CNTNAP2: variants seen among roughly 807,000 people sequenced by gnomAD.
CNTNAP2 encodes contactin associated protein 2.
CNTNAP2 carries 98 observed loss-of-function variants against 155.2 expected under a neutral mutation model. That is an observed-to-expected ratio of 0.63 (90% CI 0.54 to 0.75). The LOEUF (loss-of-function observed/expected upper bound fraction) is 0.75, where lower values mean the gene tolerates loss of function less well. CNTNAP2 is among the 30% of genes least tolerant of loss of function. The pLI, the probability that CNTNAP2 is intolerant of heterozygous loss-of-function variation, is 0.00. For missense variants in CNTNAP2, 1,727 were observed against 1,688.1 expected, an observed-to-expected ratio of 1.02 and a Z score of -0.40; for synonymous variants, 651 against 631.2, an observed-to-expected ratio of 1.03 and a Z score of -0.47.
intron 9 of CNTNAP2, among the ~76,000 whole-genome samples, chr7:147,386,752 C>T (rs565204296): frequency 4.6e-5 from 7 of 152,268 alleles, no homozygotes; most frequent in Non-Finnish European, 7.3e-5. Flanking sequence ...CAACCTCTGC[C>T]GTCACCAGTT....
At chr7:148,269,419 C>T (rs1202797807) in intron 21 of CNTNAP2, among the ~76,000 whole-genome samples, 1 of 152,180 alleles carries the variant, frequency 6.6e-6, no homozygotes, top group Non-Finnish European at 1.5e-5. Context: ...CAGATCTTAT[C>T]ACCACTTTTA....
At chr7:146,769,917 C>T (rs889974935) in intron 1 of CNTNAP2, among the ~76,000 whole-genome samples, 2 of 152,056 alleles carry the variant, frequency 1.3e-5, no homozygotes, top group Non-Finnish European at 2.9e-5. Flanking sequence ...CCATAGTTTT[C>T]TAACTCTTGG....
chr7:147,208,432 G>A (rs1803066719), intron 8 of CNTNAP2, among the ~76,000 whole-genome samples: 1 of 152,092 alleles, frequency 6.6e-6, no homozygotes. Context: ...TCAGGGAAGA[G>A]TTTTTAAGCA....
At chr7:146,208,380 A>T (rs1584802906) in intron 1 of CNTNAP2, among the ~76,000 whole-genome samples, 1 of 152,284 alleles carries the variant, frequency 6.6e-6, no homozygotes, top group East Asian at 1.9e-4. Flanking sequence ...TTCTGTCAAG[A>T]AAAATTTCTT....
chr7:146,821,621 A>G (rs1803285509), intron 2 of CNTNAP2, among the ~76,000 whole-genome samples: 1 of 152,164 alleles, frequency 6.6e-6, no homozygotes, highest in East Asian at 1.9e-4. Context: ...CAACAAATTT[A>G]CAAGAAAAAA....
In CNTNAP2 at chr7:148,409,445, T is replaced by C. The variant is rs1428223188; in HGVS notation, c.3770T>C (p.Val1257Ala). The C allele has an allele frequency of 6.2e-7, 1 of 1,613,584 alleles. No individual in the cohort carries two copies. Among genetic ancestry groups the C allele is most frequent in the Admixed American group, 1.7e-5 (1 of 59,980 alleles). The change falls in exon 23 of 24, where the codon GTC becomes GCC. Residue 1257 changes from valine to alanine, a missense_variant. By Grantham distance (64) the Val-to-Ala change is moderately conservative. Coordinates refer to ENST00000361727, the MANE Select transcript of CNTNAP2 (RefSeq NM_014141.6). The part of the protein sequence containing the change: ...PGQGQAIRNG[V>A]NRNSAIIGGV... ...CAAGGCCAAGCTATAAGAAATGGAG[T>C]CAACAGAAACTCGGCTATCATTGGA...
intron 2 of CNTNAP2, among the ~76,000 whole-genome samples, chr7:146,819,764 AC>A (rs1421373278): frequency 1.3e-5 from 2 of 152,108 alleles, no homozygotes; most frequent in Non-Finnish European, 2.9e-5. Context: ...AGGAATTGCT[AC>A]TAACTCACTT....
chr7:146,391,924 A>G (rs1795550282), intron 1 of CNTNAP2, among the ~76,000 whole-genome samples: 1 of 152,192 alleles, frequency 6.6e-6, no homozygotes, highest in South Asian at 2.1e-4. Context: ...CAAGCTGTAC[A>G]ACAAAACCCC....
At chr7:146,332,559 T>A (rs1229344128) in intron 1 of CNTNAP2, among the ~76,000 whole-genome samples, 2 of 152,184 alleles carry the variant, frequency 1.3e-5, no homozygotes, top group African/African-American at 4.8e-5. Flanking sequence ...CTTAGAAATA[T>A]GTCACATATT....
chr7:147,151,410 A>C (rs983925458), intron 8 of CNTNAP2, among the ~76,000 whole-genome samples: 1 of 152,190 alleles, frequency 6.6e-6, no homozygotes, highest in Non-Finnish European at 1.5e-5. Flanking sequence ...AAATGATAGT[A>C]AAGTCACATA....
In CNTNAP2 at chr7:147,575,108, TGTGTG is replaced by T. The variant is rs1364947708; in HGVS notation, c.1897+12852_1897+12856del. Among the ~76,000 whole-genome samples the T allele has an allele frequency of 3.3e-3, 71 of 21,788 alleles. 3 individuals carry two copies. Among genetic ancestry groups the T allele is most frequent in the African/African-American group, 0.018 (70 of 3,860 alleles). 14.3% of individuals were successfully genotyped at this position (21,788 alleles called of 152,430 possible). ...ATATTCTCCCGGTCTTTGTGGGAAA[TGTGTG>T]TGTGTGTGTGTGTGTGTGTGTGTGT... is the stretch of plus-strand genomic sequence containing the variant. On this transcript the variant is annotated intron_variant, in intron 12 of 23. Coordinates refer to ENST00000361727, the MANE Select transcript of CNTNAP2 (RefSeq NM_014141.6).
At chr7:146,567,370 G>A (rs997847260) in intron 1 of CNTNAP2, among the ~76,000 whole-genome samples, 1 of 151,934 alleles carries the variant, frequency 6.6e-6, no homozygotes, top group Non-Finnish European at 1.5e-5. Flanking sequence ...TACCTTCAAA[G>A]CAATTTTCTA....
chr7:146,697,994 A>G (rs972839273), intron 1 of CNTNAP2, among the ~76,000 whole-genome samples: 1 of 152,046 alleles, frequency 6.6e-6, no homozygotes, highest in Non-Finnish European at 1.5e-5. Flanking sequence ...CGTTTGCAAT[A>G]TACATTTGCA....
At position 147,755,623 on chromosome 7, in the gene CNTNAP2, G is replaced by A. The variant is rs1241406609; in HGVS notation, c.2098+116317G>A. Among the ~76,000 whole-genome samples, 3 of 152,180 alleles carry A rather than the reference G, an allele frequency of 2.0e-5. No individual in the cohort carries two copies. The East Asian group carries it at 5.8e-4, about 29-fold the overall frequency. ...GCCAAAATCATGCCACTGCACCCCA[G>A]CCTGGGCGACAGAGAGAGACCCTGT... On this transcript the variant is annotated intron_variant, in intron 13 of 23. Transcript: ENST00000361727.
At chr7:146,926,224 A>G (rs188825618) in intron 3 of CNTNAP2, among the ~76,000 whole-genome samples, 3 of 152,120 alleles carry the variant, frequency 2.0e-5, no homozygotes, top group South Asian at 2.1e-4. Context: ...TTCAAATTGT[A>G]TATTAAAACC....
chr7:146,618,926 C>A (rs538871273), intron 1 of CNTNAP2, among the ~76,000 whole-genome samples: 1 of 151,674 alleles, frequency 6.6e-6, no homozygotes, highest in Admixed American at 6.6e-5. Flanking sequence ...AAAAATTAGC[C>A]GGGCGTGGTG....
intron 3 of CNTNAP2, among the ~76,000 whole-genome samples, chr7:146,874,499 C>A (rs2129207886): frequency 6.6e-6 from 1 of 152,162 alleles, no homozygotes; most frequent in African/African-American, 2.4e-5. Flanking sequence ...GCCATCATGC[C>A]TGGCTAATTT....
intron 1 of CNTNAP2, among the ~76,000 whole-genome samples, chr7:146,141,616 T>C (rs1177486747): frequency 6.6e-6 from 1 of 152,140 alleles, no homozygotes; most frequent in Non-Finnish European, 1.5e-5. Context: ...GATTGTACCT[T>C]TCAAGAAAAC....
chr7:148,279,705 A>T (rs1796938766), intron 21 of CNTNAP2, among the ~76,000 whole-genome samples: 1 of 152,180 alleles, frequency 6.6e-6, no homozygotes, highest in African/African-American at 2.4e-5. Flanking sequence ...TTACTGGGAA[A>T]GGCAAAAAAG....
Sources: allele counts gnomAD v4.1 joint callset (sites outside exome capture counted in the v4.1 genomes callset), GRCh38; gene constraint gnomAD v4.1.1; transcripts MANE v1.5; gene names NCBI Gene and HGNC (gene_info 2026-07-23, HGNC 2026-07-21).